The following KAZN variants were observed in gnomAD, a reference collection of about 807,000 sequenced individuals.
KAZN encodes the protein kazrin.
KAZN carries 40 observed loss-of-function variants against 87.4 expected under a neutral mutation model. The observed-to-expected ratio is 0.46, with a 90% CI of 0.36 to 0.60. The LOEUF is 0.60. KAZN is among the 20% of genes least tolerant of loss of function. The pLI is 0.00. For missense variants in KAZN, 898 were observed against 1,073.9 expected (o/e 0.84, Z 2.29); for synonymous variants, 466 against 458.3 (o/e 1.02, Z -0.22).
intron 1 of KAZN, among the ~76,000 whole-genome samples, chr1:13,984,387 C>A (rs887794065): frequency 2.6e-5 from 4 of 152,202 alleles, no homozygotes; most frequent in African/African-American, 9.6e-5. Flanking sequence ...GAATTGCCAA[C>A]AGAAATGACA....
chr1:14,932,315 A>G (rs1197156494), intron 1 of KAZN, among the ~76,000 whole-genome samples: 1 of 150,076 alleles, frequency 6.7e-6, no homozygotes, highest in Non-Finnish European at 1.5e-5. Context: ...GTGGTCAGAC[A>G]TCCAGCTGGG....
At chr1:14,084,891 C>A (rs189269394) in intron 1 of KAZN, among the ~76,000 whole-genome samples, 3 of 151,784 alleles carry the variant, frequency 2.0e-5, no homozygotes, top group African/African-American at 7.3e-5. Flanking sequence ...AAAAAAAGTA[C>A]GTGTGTGTGT....
At chr1:14,984,852 G>T (rs1484244140) in intron 2 of KAZN, among the ~76,000 whole-genome samples, 1 of 152,142 alleles carries the variant, frequency 6.6e-6, no homozygotes, top group East Asian at 1.9e-4. Context: ...TAAAAGAAAT[G>T]GGTGATTCAA....
chr1:14,438,699 C>T (rs1419928095), intron 2 of KAZN, among the ~76,000 whole-genome samples: 1 of 152,296 alleles, frequency 6.6e-6, no homozygotes, highest in East Asian at 1.9e-4. Flanking sequence ...GCTTGTCAGC[C>T]ACTGGAAGGG....
At chr1:14,310,516 G>A (rs764310118) in intron 2 of KAZN, among the ~76,000 whole-genome samples, 35 of 152,258 alleles carry the variant, frequency 2.3e-4, no homozygotes, top group Non-Finnish European at 3.5e-4. Context: ...CCCACGCATT[G>A]CCTACCTCAC....
At chr1:14,509,285 T>G (rs1181069252) in intron 2 of KAZN, among the ~76,000 whole-genome samples, 1 of 152,224 alleles carries the variant, frequency 6.6e-6, no homozygotes, top group Admixed American at 6.5e-5. Context: ...AAATGTGGTA[T>G]GACTATCCCT....
chr1:14,788,663 C>A (rs1645582453), intron 1 of KAZN, among the ~76,000 whole-genome samples: 1 of 152,094 alleles, frequency 6.6e-6, no homozygotes, highest in Admixed American at 6.5e-5. Flanking sequence ...AGCTTACGAC[C>A]CAGAGGCCTG....
intron 1 of KAZN, among the ~76,000 whole-genome samples, chr1:14,113,815 A>T (rs1280298920): frequency 6.6e-6 from 1 of 152,214 alleles, no homozygotes; most frequent in African/African-American, 2.4e-5. Flanking sequence ...ACTCAATGAC[A>T]TTATTTATGC....
chr1:14,593,778 G>T (rs1280564623), upstream of KAZN, among the ~76,000 whole-genome samples: 1 of 152,224 alleles, frequency 6.6e-6, no homozygotes, highest in East Asian at 1.9e-4. Context: ...CCAGGGAGAG[G>T]CAAGGGAAAA....
intron 1 of KAZN, among the ~76,000 whole-genome samples, chr1:14,073,132 A>G (rs12746681): frequency 0.17 from 26,555 of 152,180 alleles, 2,970 homozygotes; most frequent in African/African-American, 0.3. Flanking sequence ...ACTGAATGCA[A>G]CAAGAACCAC....
intron 2 of KAZN, among the ~76,000 whole-genome samples, chr1:14,193,271 CA>C (rs774005313): frequency 2.4e-4 from 37 of 152,158 alleles, no homozygotes; most frequent in East Asian, 1.4e-3. Flanking sequence ...TTCTTTACAG[CA>C]GTATGAAAAC....
At chr1:14,029,933 G>A (rs1399322348) in intron 1 of KAZN, among the ~76,000 whole-genome samples, 2 of 152,152 alleles carry the variant, frequency 1.3e-5, no homozygotes, top group Non-Finnish European at 2.9e-5. Context: ...TGTTCTTTTG[G>A]CTTAGGATTG....
At position 14,431,145 on chromosome 1, in the gene KAZN, G is replaced by A. The variant is rs552596889; in HGVS notation, c.250-167838G>A. 1.1e-3 allele frequency among the ~76,000 whole-genome samples: 173 copies of A among 152,304 alleles called. 3 individuals carry two copies. The South Asian group carries it at 0.035, about 31-fold the overall frequency. ...TTGAAGAACAAAGTATATAATGATA[G>A]ACAAGCATATCTGAATTTGGCAATA... On this transcript the variant is annotated intron_variant, in intron 2 of 16. Coordinates refer to the KAZN transcript ENST00000636203.
intron 2 of KAZN, among the ~76,000 whole-genome samples, chr1:15,017,605 A>G (rs531830386): frequency 6.6e-6 from 1 of 152,266 alleles, no homozygotes; most frequent in South Asian, 2.1e-4. Context: ...GGAGTTTGAG[A>G]CCAGCCTGGC....
chr1:14,764,311 C>T (rs540792297), intron 1 of KAZN, among the ~76,000 whole-genome samples: 2 of 152,056 alleles, frequency 1.3e-5, no homozygotes, highest in South Asian at 4.2e-4. Context: ...TCAACTGTCC[C>T]CTTCCCAATA....
intron 2 of KAZN, among the ~76,000 whole-genome samples, chr1:14,420,966 GA>G (rs1466060019): frequency 6.7e-6 from 1 of 148,924 alleles, no homozygotes; most frequent in South Asian, 2.1e-4. Flanking sequence ...CCAGCCCAGA[GA>G]GGGGGCTCCC....
chr1:14,636,926 G>A (rs1361356975), intron 1 of KAZN, among the ~76,000 whole-genome samples: 2 of 152,168 alleles, frequency 1.3e-5, no homozygotes, highest in African/African-American at 2.4e-5. Flanking sequence ...TGTGTTGGAG[G>A]GGAAATTCGA....
intron 2 of KAZN, among the ~76,000 whole-genome samples, chr1:14,457,558 G>A (rs1667630912): frequency 6.6e-6 from 1 of 151,812 alleles, no homozygotes; most frequent in Non-Finnish European, 1.5e-5. Flanking sequence ...TGGTTTCATT[G>A]TTCTTGTACC....
At chr1:14,857,531 T>C (rs1488633301) in intron 1 of KAZN, among the ~76,000 whole-genome samples, 1 of 117,670 alleles carries the variant, frequency 8.5e-6, no homozygotes. Context: ...AGACACACTC[T>C]CACAAATAAA....
Sources: allele counts gnomAD v4.1 joint callset (sites outside exome capture counted in the v4.1 genomes callset), GRCh38; gene constraint gnomAD v4.1.1; transcripts MANE v1.5; gene names NCBI Gene and HGNC (gene_info 2026-07-23, HGNC 2026-07-21).